GTF2F2: variants seen among roughly 807,000 people sequenced by gnomAD.
GTF2F2 encodes general transcription factor IIF subunit 2, also known as ATP-dependent helicase GTF2F2.
Under a neutral mutation model 42.2 loss-of-function variants are expected in GTF2F2, and 23 were observed. The ratio of observed to expected loss-of-function variants is 0.55; its 90% CI spans 0.39 to 0.77. The LOEUF is 0.77. Ranked by LOEUF, GTF2F2 falls within the 30% of genes least tolerant of loss-of-function variation. GTF2F2 has a pLI of 0.00. For synonymous variants in GTF2F2, 105 were observed against 100.8 expected (o/e 1.04, Z -0.25); for missense variants, 261 against 287.2 (o/e 0.91, Z 0.66).
chr13:45,211,296 C>T (rs531749312), intron 5 of GTF2F2, among the ~76,000 whole-genome samples: 2 of 150,474 alleles, frequency 1.3e-5, no homozygotes, highest in Admixed American at 1.3e-4. Flanking sequence ...ATCAAAATAG[C>T]AAACTAATTT....
At chr13:45,248,717 C>T (rs533226237) in intron 5 of GTF2F2, among the ~76,000 whole-genome samples, 1 of 152,062 alleles carries the variant, frequency 6.6e-6, no homozygotes, top group African/African-American at 2.4e-5. Flanking sequence ...CTCAGGTGAT[C>T]CACCTGTCTC....
rs564447056 is a variant in GTF2F2 at position 45,271,425 on chromosome 13, C to T, written c.630+4049C>T. Among the ~76,000 whole-genome samples the T allele has an allele frequency of 3.4e-4, 51 of 151,904 alleles. 1 individual carries two copies. Among genetic ancestry groups the T allele is most frequent in the Middle Eastern group, 3.4e-3 (1 of 294 alleles). The stretch of plus-strand genomic sequence containing the variant: ...TTTTGAGACAGTCTTGCTCTGTCAC[C>T]CAGGCTAGAGTGCAGTGGTGCAATC... On this transcript the variant is annotated intron_variant, in intron 7 of 7. Transcript: ENST00000340473.
chr13:45,139,423 C>T (rs984164612), intron 2 of GTF2F2, among the ~76,000 whole-genome samples: 10 of 152,334 alleles, frequency 6.6e-5, no homozygotes, highest in South Asian at 4.1e-4. Context: ...CGGATGTCCT[C>T]GGATGTTTCA....
In GTF2F2 at chr13:45,126,787, T is replaced by C. The variant is rs150721816; in HGVS notation, c.66+6066T>C. On this transcript the variant is annotated intron_variant, in intron 1 of 7. Coordinates refer to ENST00000340473, the MANE Select transcript of GTF2F2 (RefSeq NM_004128.3). ...AAGGACACTGAAGCAAGGAATATTG[T>C]TTCTGTGCATGTGAATAGCAAGGGA... is the stretch of plus-strand genomic sequence containing the variant. Among the ~76,000 whole-genome samples, 342 of 152,338 alleles carry C rather than the reference T, an allele frequency of 2.2e-3. 5 individuals are homozygous for C. Among genetic ancestry groups the C allele is most frequent in the African/African-American group, 7.8e-3 (323 of 41,580 alleles).
intron 5 of GTF2F2, among the ~76,000 whole-genome samples, chr13:45,215,568 TG>T (rs1377726466): frequency 6.6e-6 from 1 of 152,104 alleles, no homozygotes; most frequent in Non-Finnish European, 1.5e-5. Context: ...GTGACCAGCC[TG>T]GCCAACATGG....
At chr13:45,261,648 G>T (rs7320172) in intron 6 of GTF2F2, among the ~76,000 whole-genome samples, 49,513 of 151,956 alleles carry the variant, frequency 0.33, 10,268 homozygotes, top group African/African-American at 0.59. Flanking sequence ...CTTACTAAGA[G>T]TTGTAGTGGC....
At chr13:45,281,846 G>A (rs1039555967) in intron 7 of GTF2F2, among the ~76,000 whole-genome samples, 3 of 152,146 alleles carry the variant, frequency 2.0e-5, no homozygotes, top group Non-Finnish European at 2.9e-5. Context: ...TGAAGCACAC[G>A]CACACAAATT....
chr13:45,121,766 TGCA>T (rs1487490292), intron 1 of GTF2F2, among the ~76,000 whole-genome samples: 2 of 152,210 alleles, frequency 1.3e-5, no homozygotes, highest in African/African-American at 4.8e-5. Flanking sequence ...GATGAATAAA[TGCA>T]TGACCTCTCA....
At chr13:45,262,110 G>T (rs543081012) in intron 6 of GTF2F2, among the ~76,000 whole-genome samples, 8 of 152,290 alleles carry the variant, frequency 5.3e-5, no homozygotes, top group Non-Finnish European at 8.8e-5. Context: ...AGTGGCTCAT[G>T]CCTGTAATTC....
intron 2 of GTF2F2, among the ~76,000 whole-genome samples, chr13:45,145,613 C>T (rs1475662121): frequency 2.6e-5 from 4 of 152,202 alleles, no homozygotes; most frequent in Non-Finnish European, 5.9e-5. Context: ...CAATAAAATA[C>T]CACATACTTT....
chr13:45,280,882 A>C (rs1030575137), intron 7 of GTF2F2, among the ~76,000 whole-genome samples: 2 of 152,242 alleles, frequency 1.3e-5, no homozygotes, highest in African/African-American at 4.8e-5. Flanking sequence ...GACCCATTGC[A>C]GTGCATCCAC....
chr13:45,140,405 C>T (rs1419365911), intron 2 of GTF2F2, among the ~76,000 whole-genome samples: 9 of 152,140 alleles, frequency 5.9e-5, no homozygotes, highest in Admixed American at 5.9e-4. Flanking sequence ...TTTTATTGGT[C>T]AGAAAACTCC....
intron 5 of GTF2F2, among the ~76,000 whole-genome samples, chr13:45,223,262 TAAAAAAAAAA>T (rs60690884): frequency 6.2e-5 from 6 of 96,318 alleles, no homozygotes; most frequent in African/African-American, 2.1e-4. Context: ...CTTGTCTCAA[TAAAAAAAAAA>T]AAAAAAAAAA....
intron 2 of GTF2F2, among the ~76,000 whole-genome samples, chr13:45,138,099 C>A (rs1869727115): frequency 6.6e-6 from 1 of 152,088 alleles, no homozygotes; most frequent in African/African-American, 2.4e-5. Context: ...CCCCACTTTA[C>A]TCTAGGACAC....
intron 5 of GTF2F2, among the ~76,000 whole-genome samples, chr13:45,212,459 C>CT (rs55758635): frequency 0.19 from 15,089 of 78,856 alleles, 1,942 homozygotes; most frequent in African/African-American, 0.24. Context: ...TTCTTTCTTT[C>CT]TTTCTTTCTT....
intron 4 of GTF2F2, among the ~76,000 whole-genome samples, chr13:45,186,354 C>T (rs1270719412): frequency 1.3e-5 from 2 of 149,944 alleles, no homozygotes; most frequent in Non-Finnish European, 2.9e-5. Context: ...TGTAATAGCT[C>T]GATCTCTGCT....
chr13:45,257,352 G>T (rs1220032128), intron 6 of GTF2F2, among the ~76,000 whole-genome samples: 1 of 151,920 alleles, frequency 6.6e-6, no homozygotes, highest in African/African-American at 2.4e-5. Context: ...AATCTTCATT[G>T]AGTGTCTGAA....
chr13:45,210,212 C>T (rs1452019442), intron 5 of GTF2F2, among the ~76,000 whole-genome samples: 2 of 152,192 alleles, frequency 1.3e-5, no homozygotes, highest in Non-Finnish European at 2.9e-5. Context: ...CCTATGTGAT[C>T]ATCCTACGAC....
chr13:45,236,441 G>C (rs1265895945), intron 5 of GTF2F2, among the ~76,000 whole-genome samples: 1 of 151,604 alleles, frequency 6.6e-6, no homozygotes, highest in Non-Finnish European at 1.5e-5. Flanking sequence ...ATGGTGTCAA[G>C]AAGATTGCTA....
Sources: gnomAD v4.1 joint callset for allele counts (sites outside exome capture counted in the v4.1 genomes callset) on GRCh38, gnomAD v4.1.1 for gene constraint, MANE v1.5 for transcripts, NCBI Gene and HGNC (gene_info 2026-07-23, HGNC 2026-07-21) for gene names.